The following ZNF804B variants were observed in gnomAD, a reference collection of about 807,000 sequenced individuals.
The protein encoded by ZNF804B is zinc finger protein 804B, also known as zinc finger 804B.
ZNF804B carries 80 observed loss-of-function variants against 101.4 expected under a neutral mutation model. The ratio of observed to expected loss-of-function variants is 0.79; its 90% CI spans 0.66 to 0.95. ZNF804B has a LOEUF of 0.95. ZNF804B is among the 40% of genes least tolerant of loss of function. ZNF804B has a pLI of 0.00. For missense variants in ZNF804B, 1,673 were observed against 1,561.9 expected, an observed-to-expected ratio of 1.07 and a Z score of -1.20; for synonymous variants, 622 against 558.8, an observed-to-expected ratio of 1.11 and a Z score of -1.59.
At chr7:88,980,681 A>T (rs1793681931) in intron 1 of ZNF804B, among the ~76,000 whole-genome samples, 1 of 151,960 alleles carries the variant, frequency 6.6e-6, no homozygotes, top group Non-Finnish European at 1.5e-5. Context: ...CTCTCTCTTC[A>T]TGCTGAACTC....
intron 1 of ZNF804B, among the ~76,000 whole-genome samples, chr7:89,120,544 G>A (rs1162707606): frequency 6.7e-6 from 1 of 149,720 alleles, no homozygotes; most frequent in East Asian, 2.0e-4. Flanking sequence ...TGTAGTCCCA[G>A]CTCCTCAGGA....
intron 1 of ZNF804B, among the ~76,000 whole-genome samples, chr7:88,877,026 A>AATATAT (rs1231449305): frequency 4.9e-5 from 2 of 41,094 alleles, no homozygotes; most frequent in Admixed American, 4.7e-4. Context: ...ATATATATAT[A>AATATAT]ATATATATAT....
At chr7:89,176,587 C>CTTTT (rs142696289) in intron 1 of ZNF804B, among the ~76,000 whole-genome samples, 4,545 of 51,650 alleles carry the variant, frequency 0.088, 329 homozygotes, top group Non-Finnish European at 0.12. Context: ...TTCTTTCTTT[C>CTTTT]TTTCTTTTTT....
intron 1 of ZNF804B, among the ~76,000 whole-genome samples, chr7:89,147,778 C>T (rs1355370928): frequency 6.6e-6 from 1 of 151,714 alleles, no homozygotes; most frequent in East Asian, 1.9e-4. Flanking sequence ...TGCGAGGAAG[C>T]TAGGTTGTGC....
chr7:89,000,886 C>T (rs1044703543), intron 1 of ZNF804B, among the ~76,000 whole-genome samples: 1 of 147,778 alleles, frequency 6.8e-6, no homozygotes, highest in African/African-American at 2.5e-5. Flanking sequence ...ATATTATATG[C>T]CACAATATAT....
At chr7:88,988,759 A>G (rs1014355433) in intron 1 of ZNF804B, among the ~76,000 whole-genome samples, 2 of 152,266 alleles carry the variant, frequency 1.3e-5, no homozygotes, top group Admixed American at 6.5e-5. Context: ...GAGTATCTCT[A>G]TAGGGAGAAG....
intron 1 of ZNF804B, among the ~76,000 whole-genome samples, chr7:89,036,654 G>A (rs145031646): frequency 1.4e-4 from 21 of 152,200 alleles, no homozygotes; most frequent in African/African-American, 4.3e-4. Context: ...TTAGAAAAGA[G>A]TTTTTCATGA....
chr7:88,945,522 A>C (rs1226024984), intron 1 of ZNF804B, among the ~76,000 whole-genome samples: 2 of 151,920 alleles, frequency 1.3e-5, no homozygotes, highest in Non-Finnish European at 2.9e-5. Flanking sequence ...GTCAGGTAGC[A>C]TGATTCCTCC....
intron 1 of ZNF804B, among the ~76,000 whole-genome samples, chr7:89,101,737 A>G (rs777136486): frequency 2.6e-5 from 4 of 151,988 alleles, no homozygotes; most frequent in Admixed American, 1.3e-4. Context: ...ATTCGGGGAT[A>G]CAAGTGCTTG....
At chr7:89,245,523 G>T (rs901107074) in intron 2 of ZNF804B, among the ~76,000 whole-genome samples, 1 of 152,022 alleles carries the variant, frequency 6.6e-6, no homozygotes, top group Non-Finnish European at 1.5e-5. Context: ...AAACCAATAA[G>T]TTTTAAGTAG....
intron 1 of ZNF804B, among the ~76,000 whole-genome samples, chr7:89,141,483 T>C (rs1790714747): frequency 6.6e-6 from 1 of 152,082 alleles, no homozygotes; most frequent in Admixed American, 6.6e-5. Context: ...TGGGTAATGC[T>C]CACCTTTTGG....
At chr7:89,042,352 T>C (rs889225094) in intron 1 of ZNF804B, among the ~76,000 whole-genome samples, 1 of 152,146 alleles carries the variant, frequency 6.6e-6, no homozygotes, top group African/African-American at 2.4e-5. Context: ...AGAAACCAGT[T>C]TGAGGTGTTT....
rs73395316 is a variant in ZNF804B, at chr7:88,898,401, T to C, written c.108+138317T>C. Among the ~76,000 whole-genome samples the C allele has an allele frequency of 2.6e-3, 394 of 152,092 alleles. 3 individuals are homozygous for C. The highest frequency in any genetic ancestry group is 9.4e-3 in the African/African-American group (390 of 41,506). On this transcript the variant is annotated intron_variant, in intron 1 of 3. Transcript: ENST00000333190. ...GCGCCCGGCCAGTTCTCCATTCTTA[T>C]GGCTTCATCATCTTACATTCTCTGC...
chr7:88,954,791 A>G (rs1793279021), intron 1 of ZNF804B, among the ~76,000 whole-genome samples: 1 of 151,754 alleles, frequency 6.6e-6, no homozygotes, highest in Admixed American at 6.6e-5. Flanking sequence ...GAAAGGATGG[A>G]GTTTAAATTC....
intron 2 of ZNF804B, among the ~76,000 whole-genome samples, chr7:89,240,653 T>A (rs1789353966): frequency 6.6e-6 from 1 of 152,096 alleles, no homozygotes; most frequent in Admixed American, 6.6e-5. Flanking sequence ...TGCATCTCAA[T>A]TGATTTTTCT....
intron 1 of ZNF804B, among the ~76,000 whole-genome samples, chr7:88,980,549 T>G (rs1793680755): frequency 6.6e-6 from 1 of 152,120 alleles, no homozygotes; most frequent in Non-Finnish European, 1.5e-5. Flanking sequence ...CCAGTCATGT[T>G]GTGACTCTTG....
At chr7:89,328,963 A>C (rs985378601) in intron 3 of ZNF804B, among the ~76,000 whole-genome samples, 2 of 151,698 alleles carry the variant, frequency 1.3e-5, no homozygotes, top group African/African-American at 4.8e-5. Context: ...GGTGATGATG[A>C]TAATGATGCT....
chr7:88,978,854 TCTTC>T (rs1194599592), intron 1 of ZNF804B, among the ~76,000 whole-genome samples: 10 of 141,868 alleles, frequency 7.0e-5, no homozygotes, highest in African/African-American at 1.0e-4. Flanking sequence ...TTCCTTCCTT[TCTTC>T]CTTCCCATCT....
chr7:89,248,451 T>A (rs1228158217), intron 2 of ZNF804B, among the ~76,000 whole-genome samples: 1 of 139,836 alleles, frequency 7.2e-6, no homozygotes, highest in Non-Finnish European at 1.5e-5. Flanking sequence ...TGGAGGCCTA[T>A]TTTCAGCATT....
Sources: allele counts gnomAD v4.1 joint callset (sites outside exome capture counted in the v4.1 genomes callset), GRCh38; gene constraint gnomAD v4.1.1; transcripts MANE v1.5; gene names NCBI Gene and HGNC (gene_info 2026-07-23, HGNC 2026-07-21).